Variants in EIF2A observed in about 807,000 individuals in gnomAD.
EIF2A encodes eukaryotic translation initiation factor 2A.
A neutral mutation model predicts 75.2 loss-of-function variants in EIF2A; 62 were observed. The ratio of observed to expected loss-of-function variants is 0.82; its 90% CI spans 0.67 to 1.02. EIF2A has a LOEUF of 1.02. Ranked by LOEUF, EIF2A falls within the 50% of genes least tolerant of loss-of-function variation. The pLI, the probability that EIF2A is intolerant of heterozygous loss-of-function variation, is 0.00. For missense variants in EIF2A, 611 were observed against 677.7 expected (o/e 0.90, Z 1.09); for synonymous variants, 207 against 239.0 (o/e 0.87, Z 1.23).
chr3:150,583,685 A>G (rs1559888456), intron 13 of EIF2A, among the ~76,000 whole-genome samples, 161 bp from the exon 14 acceptor site: 1 of 152,190 alleles, frequency 6.6e-6, no homozygotes, highest in Non-Finnish European at 1.5e-5. Flanking sequence ...CCCTCGATTC[A>G]TACCAGATAA....
chr3:150,567,656 C>T, intron 6 of EIF2A, 37 bp from the exon 7 acceptor site: 2 of 1,363,176 alleles, frequency 1.5e-6, no homozygotes, highest in Non-Finnish European at 2.0e-6. Context: ...CTTTTAGGTT[C>T]TCTCATCAAT....
At chr3:150,579,261 A>G (rs1018728241) in intron 11 of EIF2A, among the ~76,000 whole-genome samples, 1 of 152,200 alleles carries the variant, frequency 6.6e-6, no homozygotes, top group African/African-American at 2.4e-5. Context: ...TGTGAAAAAT[A>G]TAAAACTGCC....
chr3:150,556,912 T>C (rs1212407608), intron 2 of EIF2A, among the ~76,000 whole-genome samples: 17 of 152,306 alleles, frequency 1.1e-4, no homozygotes, highest in Middle Eastern at 3.4e-3. Context: ...CTGGGTAGAA[T>C]TTCCAGACAG....
rs1406927011 is a variant in EIF2A at position 150,581,740 on chromosome 3, A to G, written c.1620A>G (p.Leu540=). ...AGATAGACAAAAAAATCAAGAACCT[A>G]AAGAAGGTGAGAGACTTAAAAACAG... is the stretch of plus-strand genomic sequence containing the variant. ...DPEIDKKIKN[L]KKKLKAIEQL... The change falls in exon 12 of 14, where the codon CTA becomes CTG. Residue 540 remains leucine (L), a synonymous_variant. Coordinates refer to ENST00000460851, the MANE Select transcript of EIF2A (RefSeq NM_032025.5). The G allele has an allele frequency of 6.4e-7, 1 of 1,558,368 alleles. No homozygotes were observed. The highest frequency in any genetic ancestry group is 8.7e-7 in the Non-Finnish European group (1 of 1,150,452).
intron 6 of EIF2A, 159 bp from the exon 7 acceptor site, chr3:150,567,534 C>T (rs993069028): frequency 1.6e-5 from 9 of 573,692 alleles, no homozygotes; most frequent in African/African-American, 1.2e-4. Flanking sequence ...TTGCTCCTAC[C>T]CCATGCTTTT....
chr3:150,552,287 A>G, intron 1 of EIF2A, 69 bp from the exon 2 acceptor site: 1 of 1,360,160 alleles, frequency 7.4e-7, no homozygotes, highest in Non-Finnish European at 1.0e-6. Context: ...CTTTTTTAAA[A>G]AACACATTTG....
chr3:150,575,792 C>G, intron 11 of EIF2A, 30 bp downstream of exon 11: 1 of 1,571,180 alleles, frequency 6.4e-7, no homozygotes, highest in Non-Finnish European at 8.7e-7. Context: ...CATAACAAAA[C>G]AAATAGTCAG....
At chr3:150,552,458 G>C in intron 2 of EIF2A, 33 bp downstream of exon 2, 1 of 1,518,746 alleles carries the variant, frequency 6.6e-7, no homozygotes, top group Non-Finnish European at 8.9e-7. Flanking sequence ...ATGTTATAGG[G>C]AACATACAGT....
intron 2 of EIF2A, among the ~76,000 whole-genome samples, chr3:150,555,688 G>C (rs917060420): frequency 1.3e-5 from 2 of 151,918 alleles, no homozygotes; most frequent in Non-Finnish European, 2.9e-5. Context: ...CAGGAGTTCA[G>C]GATGAGCCTG....
chr3:150,546,920 A>C (rs16862731), intron 1 of EIF2A, 90 bp downstream of exon 1: 96,314 of 1,566,234 alleles, frequency 0.061, 3,552 homozygotes, highest in South Asian at 0.14. Flanking sequence ...GGAGCCGGGG[A>C]GTCTGATCTG....
At chr3:150,565,150 G>A (rs1724099325) in intron 6 of EIF2A, 1 of 453,778 alleles carries the variant, frequency 2.2e-6, no homozygotes, top group Non-Finnish European at 4.4e-6. Flanking sequence ...GTATCCCATG[G>A]TATAATTTAA....
At chr3:150,555,121 G>C (rs2107908070) in intron 2 of EIF2A, among the ~76,000 whole-genome samples, 1 of 151,652 alleles carries the variant, frequency 6.6e-6, no homozygotes, top group Middle Eastern at 3.4e-3. Context: ...AGAGATGGGG[G>C]TCTCACTATG....
chr3:150,564,460 G>T (rs1403007643), intron 6 of EIF2A, 79 bp downstream of exon 6: 13 of 1,122,210 alleles, frequency 1.2e-5, no homozygotes, highest in Non-Finnish European at 1.6e-5. Context: ...GACATCATAG[G>T]GTTTTCCTAA....
chr3:150,572,585 T>C, intron 10 of EIF2A, 56 bp downstream of exon 10: 1 of 1,504,436 alleles, frequency 6.6e-7, no homozygotes, highest in Non-Finnish European at 9.0e-7. Context: ...CCAGGAGTGG[T>C]GGTTCACATC....
At chr3:150,574,504 A>T (rs1186874755) in intron 10 of EIF2A, among the ~76,000 whole-genome samples, 1 of 152,272 alleles carries the variant, frequency 6.6e-6, no homozygotes, top group Non-Finnish European at 1.5e-5. Flanking sequence ...ACAAATGTTC[A>T]GCAAATATTG....
chr3:150,561,211 A>C (rs1723834412), intron 3 of EIF2A, among the ~76,000 whole-genome samples: 1 of 152,108 alleles, frequency 6.6e-6, no homozygotes, highest in Admixed American at 6.5e-5. Flanking sequence ...CAGTCCTCCC[A>C]CCTCAGCCTC....
intron 10 of EIF2A, among the ~76,000 whole-genome samples, chr3:150,573,073 A>G (rs1724635579): frequency 6.6e-6 from 1 of 152,142 alleles, no homozygotes; most frequent in Admixed American, 6.5e-5. Flanking sequence ...CTATTTCTGT[A>G]TTGGAATTTT....
At chr3:150,571,866 T>G in intron 9 of EIF2A, 92 bp from the exon 10 acceptor site, 1 of 1,126,324 alleles carries the variant, frequency 8.9e-7, no homozygotes, top group Non-Finnish European at 1.2e-6. Context: ...ATCTGTTTGA[T>G]GTGTTTGTGA....
At position 150,572,426 on chromosome 3, in the gene EIF2A, C is replaced by G; in HGVS notation, c.1280C>G (p.Thr427Ser). Reference protein sequence around the residue: ...LDGIFPAKTITYQAVPSEVPN... With the variant: ...LDGIFPAKTISYQAVPSEVPN... ...GGAATATTTCCAGCAAAAACAATAA[C>G]TTACCAAGCAGTTCCAAGTGAAGTA... Residue 427 changes from threonine (T) to serine (S), a missense_variant, in exon 10 of 14, where the codon ACT becomes AGT. By Grantham distance (58) the Thr-to-Ser change is moderately conservative. Transcript: ENST00000460851. The G allele has an allele frequency of 6.2e-7, 1 of 1,614,046 alleles. No individual in the cohort carries two copies. Among genetic ancestry groups the G allele is most frequent in the Non-Finnish European group, 8.5e-7 (1 of 1,179,892 alleles).
Sources: allele counts gnomAD v4.1 joint callset (sites outside exome capture counted in the v4.1 genomes callset), GRCh38; gene constraint gnomAD v4.1.1; transcripts MANE v1.5; gene names NCBI Gene and HGNC (gene_info 2026-07-23, HGNC 2026-07-21).